The following EHMT1 variants were observed in gnomAD, a reference collection of about 807,000 sequenced individuals.
EHMT1 encodes histone-lysine N-methyltransferase EHMT1.
A neutral mutation model predicts 147.2 loss-of-function variants in EHMT1; 15 were observed. The ratio of observed to expected loss-of-function variants is 0.10; its 90% confidence interval spans 0.07 to 0.16. EHMT1 has a LOEUF of 0.16. Ranked by LOEUF, EHMT1 falls within the 10% of genes least tolerant of loss-of-function variation. EHMT1 has a pLI of 1.00. For missense variants in EHMT1, 1,587 were observed against 1,772.4 expected, an observed-to-expected ratio of 0.90 and a Z score of 1.88; for synonymous variants, 795 against 709.6, an observed-to-expected ratio of 1.12 and a Z score of -1.91.
intron 22 of EHMT1, among the ~76,000 whole-genome samples, chr9:137,815,133 G>A (rs1379400733): frequency 6.6e-6 from 1 of 152,162 alleles, no homozygotes; most frequent in Non-Finnish European, 1.5e-5. Flanking sequence ...TGGGTAAAGA[G>A]ACGCGAGCAG....
At chr9:137,778,450 C>T (rs1239169453) in intron 13 of EHMT1, among the ~76,000 whole-genome samples, 3 of 152,236 alleles carry the variant, frequency 2.0e-5, no homozygotes, top group Non-Finnish European at 4.4e-5. Flanking sequence ...CAGGCTTTCC[C>T]GACAGCTCAC....
chr9:137,779,619 C>T lies in EHMT1; in HGVS notation c.2193-16C>T, dbSNP rs1331340225. The T allele has an allele frequency of 1.9e-6, 3 of 1,613,554 alleles. No individual in the cohort carries two copies. Among genetic ancestry groups the T allele is most frequent in the African/African-American group, 1.3e-5 (1 of 74,936 alleles). On this transcript the variant is annotated splice_polypyrimidine_tract_variant and intron_variant, in intron 13 of 26. Transcript: ENST00000460843. Reference sequence around the variant, plus strand: ...TGCAGAGCCCCATGCTGACTGTTGTCTTGTGCTTCCCACAGACCCAAGAAG... The same window carrying T: ...TGCAGAGCCCCATGCTGACTGTTGTTTTGTGCTTCCCACAGACCCAAGAAG...
intron 6 of EHMT1, 106 bp from the exon 7 acceptor site, chr9:137,752,225 C>T: frequency 7.5e-7 from 1 of 1,335,504 alleles, no homozygotes; most frequent in Non-Finnish European, 1.1e-6. Context: ...CGTGTGCGGC[C>T]AGTGCCCGTT....
intron 1 of EHMT1, among the ~76,000 whole-genome samples, chr9:137,653,750 A>G (rs1236883843): frequency 1.3e-5 from 2 of 150,798 alleles, no homozygotes; most frequent in African/African-American, 4.9e-5. Flanking sequence ...CTGGTCTTGA[A>G]CTCCCGACCC....
intron 16 of EHMT1, among the ~76,000 whole-genome samples, chr9:137,797,002 G>A (rs1159475115): frequency 6.6e-6 from 1 of 152,182 alleles, no homozygotes; most frequent in Non-Finnish European, 1.5e-5. Flanking sequence ...GATATACACT[G>A]TGATCTTGAG....
chr9:137,834,638 A>C, intron 26 of EHMT1, 114 bp downstream of exon 26: 1 of 1,594,208 alleles, frequency 6.3e-7, no homozygotes, highest in Non-Finnish European at 8.5e-7. Context: ...GTTTTCCTGT[A>C]GTTCTAAAAA....
At chr9:137,759,162 A>G (rs1343556151) in intron 9 of EHMT1, among the ~76,000 whole-genome samples, 1 of 151,978 alleles carries the variant, frequency 6.6e-6, no homozygotes, top group African/African-American at 2.4e-5. Flanking sequence ...CAGCAGCAAC[A>G]ACAACAAAAG....
intron 18 of EHMT1, among the ~76,000 whole-genome samples, chr9:137,804,116 G>A (rs1323727023): frequency 6.6e-6 from 1 of 152,166 alleles, no homozygotes; most frequent in African/African-American, 2.4e-5. Flanking sequence ...ACCAGCTCTT[G>A]TGAGAACTCA....
chr9:137,834,712 C>T (rs1255287550), intron 26 of EHMT1, 61 bp from the exon 27 acceptor site: 6 of 1,611,810 alleles, frequency 3.7e-6, no homozygotes, highest in East Asian at 2.2e-5. Flanking sequence ...CTTAATTTAT[C>T]TGGCTTGTGG....
chr9:137,664,547 C>G (rs756080056), intron 1 of EHMT1, among the ~76,000 whole-genome samples: 33 of 152,050 alleles, frequency 2.2e-4, no homozygotes, highest in Non-Finnish European at 3.8e-4. Flanking sequence ...GCGTGAGCAA[C>G]TGCGCCTGGC....
chr9:137,740,631 T>G (rs528569822), intron 4 of EHMT1, among the ~76,000 whole-genome samples: 5 of 151,884 alleles, frequency 3.3e-5, no homozygotes, highest in Non-Finnish European at 7.3e-5. Flanking sequence ...CTTAATAGAT[T>G]CTACATTTCT....
At chr9:137,687,140 T>C (rs952106728) in intron 1 of EHMT1, among the ~76,000 whole-genome samples, 6 of 152,232 alleles carry the variant, frequency 3.9e-5, no homozygotes, top group Admixed American at 1.3e-4. Flanking sequence ...ACTGTAAAGG[T>C]ATGGGCTTAT....
chr9:137,619,351 C>T (rs911923011), intron 1 of EHMT1, among the ~76,000 whole-genome samples: 3 of 151,182 alleles, frequency 2.0e-5, no homozygotes, highest in African/African-American at 7.3e-5. Flanking sequence ...CCGCGCCCCC[C>T]ACGGACCCCG....
intron 1 of EHMT1, among the ~76,000 whole-genome samples, chr9:137,632,942 G>A (rs1589049837): frequency 6.6e-6 from 1 of 152,208 alleles, no homozygotes; most frequent in Non-Finnish European, 1.5e-5. Context: ...TGCGTGTTAG[G>A]CTCTGGCTTC....
intron 1 of EHMT1, among the ~76,000 whole-genome samples, chr9:137,629,793 G>C (rs1234584246): frequency 2.0e-5 from 3 of 152,178 alleles, no homozygotes; most frequent in Non-Finnish European, 2.9e-5. Context: ...GCCTCCCAAA[G>C]TGCTGGGATT....
chr9:137,648,036 G>T (rs185415825), intron 1 of EHMT1, among the ~76,000 whole-genome samples: 96 of 152,268 alleles, frequency 6.3e-4, no homozygotes, highest in Middle Eastern at 6.8e-3. Context: ...TCAAGGAAGA[G>T]CTTTCTTTCC....
At chr9:137,636,050 T>A (rs1844049288) in intron 1 of EHMT1, among the ~76,000 whole-genome samples, 2 of 151,264 alleles carry the variant, frequency 1.3e-5, no homozygotes, top group Non-Finnish European at 2.9e-5. Flanking sequence ...GCCTCCTGAG[T>A]AGTTGGGATT....
rs532853825 is a variant in EHMT1, at chr9:137,787,324, C to T, written c.2383-3524C>T. Reference sequence around the variant, plus strand: ...CCTTTTCCTGAAAAGGTACTACCTCCTTCCCAGGCTGCATCTGCCATTCGG... The same window carrying T: ...CCTTTTCCTGAAAAGGTACTACCTCTTTCCCAGGCTGCATCTGCCATTCGG... On this transcript the variant is annotated intron_variant, in intron 15 of 26. Transcript: ENST00000460843. The surrounding 1 kb of genome is among the most constrained non-coding windows in gnomAD (Gnocchi z 4.2). The T allele has an allele frequency of 2.0e-4, 31 of 158,428 alleles. No homozygotes were observed. The South Asian group carries it at 6.0e-3, about 31-fold the overall frequency. The allele number at this position is 158,428 out of a possible 1,614,324, so 9.8% of individuals were successfully genotyped here. A position where few individuals can be genotyped will look rare whatever the true frequency, so the allele number is the denominator to read the frequency against.
rs145138173 is a variant in EHMT1, at chr9:137,686,351, G to GT, written c.22-24608dup. Among the ~76,000 whole-genome samples, 68 of 151,572 alleles carry GT rather than the reference G, an allele frequency of 4.5e-4. No individual in the cohort carries two copies. The South Asian group carries it at 0.013, about 29-fold the overall frequency. On this transcript the variant is annotated intron_variant, in intron 1 of 26. Coordinates refer to ENST00000460843, the MANE Select transcript of EHMT1 (RefSeq NM_024757.5). ...AGTTTTATAGTTTTATCTCATATTT[G>GT]TTTTTTTTATCTATTTTGAGGCAGT...
Sources: gnomAD v4.1 joint callset for allele counts (sites outside exome capture counted in the v4.1 genomes callset) on GRCh38, gnomAD v4.1.1 for gene constraint, Gnocchi (gnomAD v3.1) non-coding constraint, MANE v1.5 for transcripts, NCBI Gene and HGNC (gene_info 2026-07-23, HGNC 2026-07-21) for gene names.